The following SMAP1 variants were observed in gnomAD, a reference collection of about 807,000 sequenced individuals.
The protein encoded by SMAP1 is stromal membrane-associated protein 1.
In SMAP1, 24 loss-of-function variants were observed where a neutral mutation model predicts 58.5. The ratio of observed to expected loss-of-function variants is 0.41; its 90% confidence interval spans 0.30 to 0.58. The LOEUF (loss-of-function observed/expected upper bound fraction) is 0.58. Among genes scored for constraint, SMAP1 ranks in the 20% least tolerant of loss-of-function variants. SMAP1 has a pLI of 0.29. For synonymous variants in SMAP1, 216 were observed against 196.6 expected, an observed-to-expected ratio of 1.10 and a Z score of -0.82; for missense variants, 563 against 566.3, an observed-to-expected ratio of 0.99 and a Z score of 0.06.
chr6:70,746,633 C>CT (rs1294449164), intron 2 of SMAP1, among the ~76,000 whole-genome samples: 4 of 152,018 alleles, frequency 2.6e-5, no homozygotes, highest in Admixed American at 6.5e-5. Flanking sequence ...CTAAAATTCT[C>CT]TTTTTTTGTT....
intron 1 of SMAP1, among the ~76,000 whole-genome samples, chr6:70,672,940 CTT>C (rs1766328515): frequency 6.6e-6 from 1 of 151,948 alleles, no homozygotes; most frequent in Non-Finnish European, 1.5e-5. Flanking sequence ...GATAAGCTTT[CTT>C]TAAGCATGAT....
intron 2 of SMAP1, among the ~76,000 whole-genome samples, chr6:70,749,864 C>T (rs749363487): frequency 6.6e-6 from 1 of 152,210 alleles, no homozygotes; most frequent in Non-Finnish European, 1.5e-5. Flanking sequence ...ATGGAATGGA[C>T]TGTATTTGGC....
At chr6:70,855,065 T>TATACATATACAC (rs1393568609) in intron 8 of SMAP1, among the ~76,000 whole-genome samples, 1 of 149,468 alleles carries the variant, frequency 6.7e-6, no homozygotes, top group Non-Finnish European at 1.5e-5. Flanking sequence ...TACATATACA[T>TATACATATACAC]ATACATATAC....
Position 70,732,490 on chromosome 6 carries a change from A to G in SMAP1, c.231A>G (p.Gln77=). The change falls in exon 2 of 11, where the codon CAA becomes CAG. Residue 77 remains glutamine (Q), a synonymous_variant. Transcript: ENST00000370455. ...ISRVKSVNLD[Q]WTAEQIQCMQ... is the part of the protein sequence containing the mutation. ...GGGTCAAATCAGTCAACCTAGACCA[A>G]TGGACAGCAGAACAGATACAGGTAA... The G allele has an allele frequency of 6.2e-7, 1 of 1,601,370 alleles. No individual in the cohort carries two copies. Among genetic ancestry groups the G allele is most frequent in the East Asian group, 2.2e-5 (1 of 44,532 alleles).
chr6:70,821,093 A>C, intron 6 of SMAP1, among the ~76,000 whole-genome samples: 1 of 150,410 alleles, frequency 6.6e-6, no homozygotes. Flanking sequence ...TTTTCTCAAG[A>C]TGTCCTGTTT....
chr6:70,725,241 C>T (rs369280890), intron 1 of SMAP1, among the ~76,000 whole-genome samples: 5 of 151,240 alleles, frequency 3.3e-5, no homozygotes, highest in African/African-American at 7.3e-5. Flanking sequence ...CTCAGTCTCC[C>T]GAGTAGCTGG....
Position 70,857,936 on chromosome 6 carries a change from C to T in SMAP1, c.976C>T (p.Pro326Ser), listed in dbSNP as rs756563453. The T allele has an allele frequency of 5.6e-6, 9 of 1,613,908 alleles. No homozygotes were observed. The highest frequency in any genetic ancestry group is 2.2e-5 in the East Asian group (1 of 44,864). ...TTGTGGTGCAGGTGTATTTATGGGACCCACAAATATACCATTTACCTCACA... is the reference window on the plus strand; with the variant it reads ...TTGTGGTGCAGGTGTATTTATGGGATCCACAAATATACCATTTACCTCACA... ...QQSTPGVFMG[P>S]TNIPFTSQAP... is the part of the protein sequence containing the mutation. Residue 326 changes from proline to serine, a missense_variant, in exon 10 of 11, where the codon CCC becomes TCC. By Grantham distance (74) the Pro-to-Ser change is moderately conservative. This residue lies in a region of SMAP1 where 494 missense variants were observed against 473.8 expected (regional missense o/e 1.04). Transcript: ENST00000370455.
chr6:70,707,631 A>T (rs1767890666), intron 1 of SMAP1, among the ~76,000 whole-genome samples: 1 of 152,114 alleles, frequency 6.6e-6, no homozygotes, highest in East Asian at 1.9e-4. Flanking sequence ...TTTGAGACAG[A>T]GTCTCACTCT....
At position 70,667,925 on chromosome 6, in the gene SMAP1, C is replaced by CT. The variant is rs1766091801; in HGVS notation, c.-99_-98insT. The CT allele has an allele frequency of 9.6e-7, 1 of 1,038,614 alleles. No homozygotes were observed. The highest frequency in any genetic ancestry group is 2.8e-5 in the Admixed American group (1 of 35,472). 64.3% of individuals were successfully genotyped at this position (1,038,614 alleles called of 1,614,324 possible). ...GCTGCCGCTTCCTGGGCTGAGTCCG[C>CT]CCGCGGTCCCGGCGGCGCCAGGTGC... is the stretch of plus-strand genomic sequence containing the variant. On this transcript the variant is annotated 5_prime_UTR_variant, in exon 1 of 11. Transcript: ENST00000370455.
intron 4 of SMAP1, among the ~76,000 whole-genome samples, chr6:70,778,579 G>A (rs1199441977): frequency 6.6e-6 from 1 of 152,192 alleles, no homozygotes; most frequent in Non-Finnish European, 1.5e-5. Flanking sequence ...TGAGCAGATT[G>A]GGCATGTGCA....
At position 70,774,232 on chromosome 6, in the gene SMAP1, C is replaced by T. The variant is rs149160622; in HGVS notation, c.414+807C>T. 2.3e-3 allele frequency among the ~76,000 whole-genome samples: 350 copies of T among 152,214 alleles called. 5 individuals are homozygous for T. Among genetic ancestry groups the T allele is most frequent in the Admixed American group, 0.019 (283 of 15,288 alleles). ...ATGATATGTTTCTCAGAATGTATCC[C>T]AATTGTTAAATGACACAGGACTGTT... On this transcript the variant is annotated intron_variant, in intron 4 of 10. Transcript: ENST00000370455.
intron 2 of SMAP1, among the ~76,000 whole-genome samples, chr6:70,735,281 A>G (rs181943069): frequency 6.6e-6 from 1 of 152,208 alleles, no homozygotes; most frequent in East Asian, 1.9e-4. Flanking sequence ...CTTCATGCCA[A>G]TTTCCAGTCA....
chr6:70,788,879 A>G (rs1768209353), intron 4 of SMAP1, among the ~76,000 whole-genome samples: 1 of 152,142 alleles, frequency 6.6e-6, no homozygotes, highest in Admixed American at 6.6e-5. Flanking sequence ...CGAGAATGAC[A>G]TGGTATGGAG....
chr6:70,789,436 CA>C (rs1768239542), intron 4 of SMAP1, among the ~76,000 whole-genome samples: 1 of 151,886 alleles, frequency 6.6e-6, no homozygotes, highest in Non-Finnish European at 1.5e-5. Flanking sequence ...GTTTCATACA[CA>C]CTGTGTACCC....
chr6:70,787,285 T>A (rs984972672), intron 4 of SMAP1, among the ~76,000 whole-genome samples: 1 of 152,136 alleles, frequency 6.6e-6, no homozygotes, highest in African/African-American at 2.4e-5. Context: ...TTACACCTTA[T>A]ACAAAAATTA....
chr6:70,727,782 C>T (rs1022234370), intron 1 of SMAP1, among the ~76,000 whole-genome samples: 6 of 152,008 alleles, frequency 3.9e-5, no homozygotes, highest in South Asian at 2.1e-4. Flanking sequence ...TCACACTGAC[C>T]GTGTGCAGTG....
chr6:70,810,147 A>G (rs751729810), intron 6 of SMAP1, among the ~76,000 whole-genome samples: 3 of 152,156 alleles, frequency 2.0e-5, no homozygotes, highest in Non-Finnish European at 4.4e-5. Context: ...TGGTAAATGT[A>G]TGTTTCCTCC....
intron 3 of SMAP1, 24 bp downstream of exon 3, chr6:70,755,089 T>C: frequency 6.4e-7 from 1 of 1,556,952 alleles, no homozygotes; most frequent in Non-Finnish European, 8.8e-7. Flanking sequence ...CTTATTTGTT[T>C]TGAGTTTAAA....
chr6:70,668,264 G>A, intron 1 of SMAP1, 123 bp downstream of exon 1: 1 of 935,896 alleles, frequency 1.1e-6, no homozygotes, highest in Non-Finnish European at 1.5e-6. Context: ...TGCCCTGACT[G>A]GAGGGCGGGT....
Sources: gnomAD v4.1 joint callset for allele counts (sites outside exome capture counted in the v4.1 genomes callset) on GRCh38, gnomAD v4.1.1 for gene constraint, gnomAD v4.1.1 regional missense constraint, MANE v1.5 for transcripts, NCBI Gene and HGNC (gene_info 2026-07-23, HGNC 2026-07-21) for gene names.